MATR3: variants seen among roughly 807,000 people sequenced by gnomAD.
The protein encoded by MATR3 is matrin 3.
A neutral mutation model predicts 85.5 loss-of-function variants in MATR3; 4 were observed. The observed-to-expected ratio is 0.05, with a 90% confidence interval of 0.02 to 0.11. MATR3 has a LOEUF of 0.11. MATR3 is among the 10% of genes least tolerant of loss of function. The pLI, the probability that MATR3 is intolerant of heterozygous loss-of-function variation, is 1.00. For missense variants in MATR3, 685 were observed against 1,016.1 expected, an observed-to-expected ratio of 0.67 and a Z score of 4.43; for synonymous variants, 336 against 343.1, an observed-to-expected ratio of 0.98 and a Z score of 0.23.
intron 3 of MATR3, chr5:139,279,867 TG>T (rs1406079976): frequency 1.3e-5 from 2 of 152,254 alleles, no homozygotes; most frequent in African/African-American, 4.8e-5. Flanking sequence ...GGAGCTCTGC[TG>T]TGCAGTAGGT....
In MATR3 at chr5:139,294,069, C is replaced by T. The variant is rs979633782; in HGVS notation, c.-178+264C>T. Reference sequence around the variant, plus strand: ...GGGAAACACGCGGCCGGCCAAGGGCCCAGGGTGCGGCGGGAGATTTTGGGT... The same window carrying T: ...GGGAAACACGCGGCCGGCCAAGGGCTCAGGGTGCGGCGGGAGATTTTGGGT... On this transcript the variant is annotated intron_variant, in intron 1 of 14. Transcript: ENST00000394805. The T allele has an allele frequency of 4.0e-6, 5 of 1,259,940 alleles. No individual in the cohort carries two copies. The African/African-American group carries it at 7.7e-5, about 19-fold the overall frequency. 78.0% of individuals were successfully genotyped at this position (1,259,940 alleles called of 1,614,324 possible).
chr5:139,276,698 A>G (rs780334722), intron 2 of MATR3, among the ~76,000 whole-genome samples: 2 of 152,128 alleles, frequency 1.3e-5, no homozygotes, highest in African/African-American at 2.4e-5. Flanking sequence ...GAAAAGTCAC[A>G]CCTTTATTTT....
At chr5:139,285,710 A>G (rs189454569) in intron 3 of MATR3, among the ~76,000 whole-genome samples, 2 of 152,350 alleles carry the variant, frequency 1.3e-5, no homozygotes, top group African/African-American at 4.8e-5. Flanking sequence ...AAAACAAGAC[A>G]TGAACAATAT....
chr5:139,316,455 A>C (rs1755248782), intron 5 of MATR3, among the ~76,000 whole-genome samples: 1 of 151,836 alleles, frequency 6.6e-6, no homozygotes, highest in Non-Finnish European at 1.5e-5. Context: ...CGCGTTGGCC[A>C]GACTAGTCTC....
intron 12 of MATR3, chr5:139,325,158 A>G: frequency 8.2e-7 from 1 of 1,218,860 alleles, no homozygotes; most frequent in South Asian, 1.6e-5. Flanking sequence ...GCGCCACTGC[A>G]CCCCAGCCTG....
At chr5:139,323,723 G>C (rs545120702) in intron 12 of MATR3, among the ~76,000 whole-genome samples, 1 of 152,168 alleles carries the variant, frequency 6.6e-6, no homozygotes, top group South Asian at 2.1e-4. Flanking sequence ...GTGAAACCCC[G>C]TCTCTACTAA....
chr5:139,295,495 T>C lies in MATR3; in HGVS notation c.-178+1690T>C, dbSNP rs199982765. Among the ~76,000 whole-genome samples the C allele has an allele frequency of 1.2e-4, 18 of 152,368 alleles. No individual in the cohort carries two copies. In the East Asian group the frequency reaches 3.5e-3, roughly 29 times the overall value. ...TACTTTACCCAGAGAAGTTTCGCTTTATCATCTTTATATATTTTTCAGCCG... is the reference window on the plus strand; with the variant it reads ...TACTTTACCCAGAGAAGTTTCGCTTCATCATCTTTATATATTTTTCAGCCG... On this transcript the variant is annotated intron_variant, in intron 1 of 14. Coordinates refer to ENST00000394805, the MANE Select transcript of MATR3 (RefSeq NM_018834.6).
rs569548113 is a variant in MATR3 at position 139,327,109 on chromosome 5, A to G, written c.2493+825A>G. On this transcript the variant is annotated intron_variant, in intron 14 of 14. Transcript: ENST00000394805. ...TTGTAATTATCAGCTTCTTTGGACTACCTATTGAAATAGTGACTGAAACTT... is the reference window on the plus strand; with the variant it reads ...TTGTAATTATCAGCTTCTTTGGACTGCCTATTGAAATAGTGACTGAAACTT... Among the ~76,000 whole-genome samples the G allele has an allele frequency of 9.8e-5, 15 of 152,320 alleles. 1 individual carries two copies. Among genetic ancestry groups the G allele is most frequent in the Non-Finnish European group, 2.1e-4 (14 of 68,034 alleles).
chr5:139,329,313 G>T, intron 14 of MATR3, 32 bp from the exon 15 acceptor site: 1 of 1,530,940 alleles, frequency 6.5e-7, no homozygotes, highest in South Asian at 1.1e-5. Flanking sequence ...TCTCTTAGGT[G>T]ACTTAATGGC....
intron 3 of MATR3, chr5:139,285,159 A>G (rs1320407748): frequency 6.6e-6 from 1 of 152,146 alleles, no homozygotes; most frequent in Non-Finnish European, 1.5e-5. Context: ...TGCTTCTTCA[A>G]TCATCAACCT....
At chr5:139,322,322 G>A in intron 10 of MATR3, 141 bp from the exon 11 acceptor site, 3 of 832,898 alleles carry the variant, frequency 3.6e-6, no homozygotes, top group South Asian at 2.9e-5. Context: ...ATGAATGTCT[G>A]TAGGCAGCTT....
At chr5:139,285,507 TTTTA>T (rs1348763807) in intron 3 of MATR3, among the ~76,000 whole-genome samples, 1 of 152,274 alleles carries the variant, frequency 6.6e-6, no homozygotes, top group South Asian at 2.1e-4. Flanking sequence ...TTTTTAAAAT[TTTTA>T]TTTGAGACAG....
intron 1 of MATR3, among the ~76,000 whole-genome samples, chr5:139,295,332 A>G (rs532139179): frequency 1.3e-5 from 2 of 152,280 alleles, no homozygotes; most frequent in South Asian, 4.1e-4. Context: ...TCGAAATTAA[A>G]CAACATTAAA....
In MATR3 at chr5:139,330,484, G is replaced by A; in HGVS notation, c.*1089G>A. The A allele has an allele frequency of 2.2e-6, 1 of 454,262 alleles. No homozygotes were observed. Among genetic ancestry groups the A allele is most frequent in the Non-Finnish European group, 4.4e-6 (1 of 226,784 alleles). The allele number at this position is 454,262 out of a possible 1,614,324, so 28.1% of individuals were successfully genotyped here. ...GTTTTTATTCGCTCTTAAACTTTGT[G>A]CATGCTTTAACAATTTATTACTTTT... On this transcript the variant is annotated 3_prime_UTR_variant, in exon 15 of 15. Coordinates refer to ENST00000394805, the MANE Select transcript of MATR3 (RefSeq NM_018834.6).
intron 6 of MATR3, 104 bp from the exon 7 acceptor site, chr5:139,317,492 C>A (rs1158986857): frequency 5.3e-6 from 6 of 1,137,010 alleles, no homozygotes; most frequent in African/African-American, 1.5e-5. Context: ...GTTTTACTTA[C>A]ACTCTCCTGG....
chr5:139,321,214 A>G (rs962792967), intron 9 of MATR3, among the ~76,000 whole-genome samples: 3 of 152,002 alleles, frequency 2.0e-5, no homozygotes, highest in Non-Finnish European at 2.9e-5. Context: ...CAGTGGTGCC[A>G]TCTTGGCTTG....
At chr5:139,279,081 T>A (rs1323957547) in exon 3 of MATR3, 2 of 458,522 alleles carry the variant, frequency 4.4e-6, no homozygotes, top group South Asian at 1.5e-5. Context: ...TCTACCTCCA[T>A]CAGGACCCCA....
chr5:139,281,011 G>C (rs1440645331), intron 3 of MATR3, among the ~76,000 whole-genome samples: 1 of 149,040 alleles, frequency 6.7e-6, no homozygotes, highest in Non-Finnish European at 1.5e-5. Flanking sequence ...AAGAAGATTA[G>C]TTTTTAAAAT....
rs1242775047 is a variant in MATR3, at chr5:139,319,621, G to A, written c.1602+120G>A. On this transcript the variant is annotated intron_variant, in intron 9 of 14. Transcript: ENST00000394805. ...CCAGCAGTTTGGGAGGCCAAGGCAGGCAAATCACCTGAGGTCAGGAGTTCG... is the reference window on the plus strand; with the variant it reads ...CCAGCAGTTTGGGAGGCCAAGGCAGACAAATCACCTGAGGTCAGGAGTTCG... 3.0e-5 allele frequency: 25 copies of A among 825,048 alleles called. No individual in the cohort carries two copies. In the East Asian group the frequency reaches 6.5e-4, roughly 22 times the overall value. The allele number at this position is 825,048 out of a possible 1,614,324, so 51.1% of individuals were successfully genotyped here.
Sources: gnomAD v4.1 joint callset for allele counts (sites outside exome capture counted in the v4.1 genomes callset) on GRCh38, gnomAD v4.1.1 for gene constraint, MANE v1.5 for transcripts, NCBI Gene and HGNC (gene_info 2026-07-23, HGNC 2026-07-21) for gene names.